Variants in METTL4 observed in about 807,000 individuals in gnomAD.
METTL4 encodes N(6)-adenine-specific methyltransferase METTL4.
Under a neutral mutation model 54.0 loss-of-function variants are expected in METTL4, and 40 were observed. The observed-to-expected ratio is 0.74, with a 90% CI of 0.58 to 0.96. The LOEUF is 0.96. METTL4 is among the 50% of genes least tolerant of loss of function. METTL4 has a pLI of 0.00. For missense variants in METTL4, 525 were observed against 549.0 expected, an observed-to-expected ratio of 0.96 and a Z score of 0.44; for synonymous variants, 169 against 183.8, an observed-to-expected ratio of 0.92 and a Z score of 0.65.
At chr18:2,548,371 C>CAA (rs11393737) in intron 5 of METTL4, among the ~76,000 whole-genome samples, 47 of 151,320 alleles carry the variant, frequency 3.1e-4, no homozygotes, top group South Asian at 6.3e-4. Context: ...TCCACCTTTG[C>CAA]AAAAAAAAAC....
At chr18:2,566,091 A>AAAT (rs1330581226) in intron 2 of METTL4, among the ~76,000 whole-genome samples, 3 of 149,510 alleles carry the variant, frequency 2.0e-5, no homozygotes, top group Non-Finnish European at 4.5e-5. Flanking sequence ...ATAAATAAAT[A>AAAT]AAATAAACAA....
intron 4 of METTL4, chr18:2,553,876 C>T (rs1232330303): frequency 6.6e-6 from 1 of 152,096 alleles, no homozygotes; most frequent in Non-Finnish European, 1.5e-5. Flanking sequence ...GTTATCCTGT[C>T]ATTTACTCTG....
intron 8 of METTL4, chr18:2,540,266 GCTAACCAC>G (rs1447628064): frequency 1.0e-6 from 1 of 984,178 alleles, no homozygotes; most frequent in African/African-American, 1.7e-5. Context: ...GGTTAGCTAT[GCTAACCAC>G]CTAATAGGAA....
Position 2,552,753 on chromosome 18 carries a change from AT to A in METTL4, c.840del (p.Phe281LeufsTer3). On this transcript the variant is annotated frameshift_variant, in exon 5 of 9. Transcript: ENST00000574538. LOFTEE classifies it high-confidence loss of function. ...GGTGGATCTATCACAATTACATCAA[AT>A]GTTTTCCTATCTGAAAACAAAGATA... ...CMQPLLNYRK[T>X]FDVIVIDPPW... is the part of the protein sequence containing the mutation. 6.2e-7 allele frequency: 1 copy of A among 1,608,720 alleles called. No homozygotes were observed. The highest frequency in any genetic ancestry group is 1.1e-5 in the South Asian group (1 of 90,554).
intron 1 of METTL4, 66 bp from the exon 2 acceptor site, chr18:2,567,720 T>C (rs998727623): frequency 6.6e-6 from 1 of 152,388 alleles, no homozygotes; most frequent in African/African-American, 2.4e-5. Context: ...TAAACCTATC[T>C]AGAGAGGGGC....
At position 2,537,587 on chromosome 18, in the gene METTL4, T is replaced by C. The variant is rs2071929878; in HGVS notation, c.*1413A>G. Reference sequence around the variant, plus strand: ...TTTCCTTTTAAATAACAAGTTAGAATAGCTCCATAAATACAAAATTAAGCC... The same window carrying C: ...TTTCCTTTTAAATAACAAGTTAGAACAGCTCCATAAATACAAAATTAAGCC... On this transcript the variant is annotated 3_prime_UTR_variant, in exon 9 of 9. Coordinates refer to ENST00000574538, the MANE Select transcript of METTL4 (RefSeq NM_022840.5). 1 of 293,188 alleles carries C rather than the reference T, an allele frequency of 3.4e-6. No homozygotes were observed. Among genetic ancestry groups the C allele is most frequent in the South Asian group, 1.6e-4 (1 of 6,138 alleles). The allele number at this position is 293,188 out of a possible 1,614,324, so 18.2% of individuals were successfully genotyped here.
rs1257271792 is a variant in METTL4, at chr18:2,537,894, C to T, written c.*1106G>A. The stretch of plus-strand genomic sequence containing the variant: ...TGATAGAAAGCAAACCAGTGTTTGC[C>T]AGGGGCCAAGGATAGGAGCAGGGGA... On this transcript the variant is annotated 3_prime_UTR_variant, in exon 9 of 9. Coordinates refer to ENST00000574538, the MANE Select transcript of METTL4 (RefSeq NM_022840.5). The T allele has an allele frequency of 1.8e-5, 7 of 398,198 alleles. No individual in the cohort carries two copies. Among genetic ancestry groups the T allele is most frequent in the African/African-American group, 1.4e-4 (7 of 48,556 alleles). 24.7% of individuals were successfully genotyped at this position (398,198 alleles called of 1,614,324 possible). A position where few individuals can be genotyped will look rare whatever the true frequency, so the allele number is the denominator to read the frequency against.
At chr18:2,568,749 TC>T (rs2072459695) in intron 1 of METTL4, 1 of 108,942 alleles carries the variant, frequency 9.2e-6, no homozygotes, top group Non-Finnish European at 1.9e-5. Flanking sequence ...TGAAACTACG[TC>T]TCAAAAAAAA....
chr18:2,552,580 C>T, intron 5 of METTL4, 115 bp downstream of exon 5: 1 of 688,220 alleles, frequency 1.5e-6, no homozygotes. Context: ...CTATTGAAAG[C>T]ATTTTAGTAG....
chr18:2,569,887 T>C (rs1352036967), intron 1 of METTL4, among the ~76,000 whole-genome samples: 3 of 152,168 alleles, frequency 2.0e-5, no homozygotes, highest in Non-Finnish European at 2.9e-5. Context: ...ATTTATTCAC[T>C]CTCCACCAGC....
chr18:2,570,595 C>G (rs1415162104), intron 1 of METTL4, among the ~76,000 whole-genome samples: 3 of 152,090 alleles, frequency 2.0e-5, no homozygotes, highest in Admixed American at 6.6e-5. Flanking sequence ...CAGACGGTTG[C>G]CTAATTTTCA....
chr18:2,552,375 A>T (rs1449694761), intron 5 of METTL4, among the ~76,000 whole-genome samples: 1 of 152,202 alleles, frequency 6.6e-6, no homozygotes, highest in East Asian at 1.9e-4. Context: ...AAGGAAAACT[A>T]GAAATATCTT....
chr18:2,542,774 T>A (rs1334959591), intron 8 of METTL4, among the ~76,000 whole-genome samples: 5 of 152,132 alleles, frequency 3.3e-5, no homozygotes, highest in African/African-American at 1.2e-4. Flanking sequence ...TCCTTCTTAG[T>A]CAAAGAATGG....
intron 8 of METTL4, chr18:2,540,221 A>C: frequency 1.0e-6 from 1 of 985,182 alleles, no homozygotes; most frequent in Non-Finnish European, 1.2e-6. Flanking sequence ...TTGGATGACA[A>C]ATACTTAAAT....
intron 3 of METTL4, among the ~76,000 whole-genome samples, chr18:2,560,286 T>A (rs1417331804): frequency 6.6e-6 from 1 of 152,000 alleles, no homozygotes; most frequent in African/African-American, 2.4e-5. Flanking sequence ...AAAAGTAAAG[T>A]TGCCAAAAAA....
chr18:2,545,448 G>C (rs2072056541), intron 6 of METTL4, among the ~76,000 whole-genome samples: 3 of 152,098 alleles, frequency 2.0e-5, no homozygotes. Context: ...AATAAGGATA[G>C]AAAGTGGGTG....
chr18:2,559,004 G>A (rs1382466441), intron 3 of METTL4, among the ~76,000 whole-genome samples: 3 of 152,202 alleles, frequency 2.0e-5, no homozygotes, highest in African/African-American at 7.2e-5. Flanking sequence ...GAGCCCTTGG[G>A]TATTGCTGGT....
intron 1 of METTL4, among the ~76,000 whole-genome samples, chr18:2,569,401 C>G (rs2072468562): frequency 1.3e-5 from 2 of 152,188 alleles, no homozygotes; most frequent in Admixed American, 1.3e-4. Flanking sequence ...TGGGGTACAT[C>G]TAATTCAACT....
In METTL4 at chr18:2,537,794, G is replaced by A. The variant is rs935503237; in HGVS notation, c.*1206C>T. 1.3e-5 allele frequency: 5 copies of A among 398,222 alleles called. No homozygotes were observed. Among genetic ancestry groups the A allele is most frequent in the Non-Finnish European group, 1.3e-5 (3 of 225,866 alleles). 24.7% of individuals were successfully genotyped at this position (398,222 alleles called of 1,614,324 possible). A position where few individuals can be genotyped will look rare whatever the true frequency, so the allele number is the denominator to read the frequency against. On this transcript the variant is annotated 3_prime_UTR_variant, in exon 9 of 9. Transcript: ENST00000574538. ...ATAAATGCTTTTCTCAAAATGCTACGTGAAAGAAGCCAGGCACAATAGATT... is the reference window on the plus strand; with the variant it reads ...ATAAATGCTTTTCTCAAAATGCTACATGAAAGAAGCCAGGCACAATAGATT...
Sources: allele counts gnomAD v4.1 joint callset (sites outside exome capture counted in the v4.1 genomes callset), GRCh38; gene constraint gnomAD v4.1.1; transcripts MANE v1.5; gene names NCBI Gene and HGNC (gene_info 2026-07-23, HGNC 2026-07-21).